Variants in ZBTB20 observed in about 807,000 individuals in gnomAD.
ZBTB20 encodes the protein zinc finger and BTB domain containing 20.
In ZBTB20, 9 loss-of-function variants were observed where a neutral mutation model predicts 56.9. That is an observed-to-expected ratio of 0.16 (90% CI 0.10 to 0.28). ZBTB20 has a LOEUF of 0.28. ZBTB20 is among the 10% of genes least tolerant of loss of function. ZBTB20 has a pLI of 1.00. For missense variants in ZBTB20, 655 were observed against 1,003.0 expected (o/e 0.65, Z 4.69); for synonymous variants, 417 against 420.7 (o/e 0.99, Z 0.11).
chr3:115,137,454 A>C (rs371365572), intron 1 of ZBTB20, among the ~76,000 whole-genome samples: 2 of 152,082 alleles, frequency 1.3e-5, no homozygotes, highest in African/African-American at 4.8e-5. Flanking sequence ...AATATAATCC[A>C]AAGTCATGTA....
At chr3:114,692,632 A>G (rs2062765952) in intron 6 of ZBTB20, among the ~76,000 whole-genome samples, 1 of 152,090 alleles carries the variant, frequency 6.6e-6, no homozygotes, top group African/African-American at 2.4e-5. Context: ...CTCCCTCTCC[A>G]GTACAGTTGC....
At chr3:114,470,247 A>G (rs929041133) in intron 7 of ZBTB20, among the ~76,000 whole-genome samples, 4 of 152,162 alleles carry the variant, frequency 2.6e-5, no homozygotes, top group African/African-American at 9.6e-5. Flanking sequence ...TTATACTACT[A>G]AAGTACATTA....
rs2078838054 is a variant in ZBTB20 at position 114,320,028 on chromosome 3, CAA to C, written c.*18975_*18976del. The C allele has an allele frequency of 6.6e-6, 1 of 152,188 alleles. No individual in the cohort carries two copies. The highest frequency in any genetic ancestry group is 1.5e-5 in the Non-Finnish European group (1 of 68,034). 9.4% of individuals were successfully genotyped at this position (152,188 alleles called of 1,614,324 possible). A position where few individuals can be genotyped will look rare whatever the true frequency, so the allele number is the denominator to read the frequency against. Reference sequence around the variant, plus strand: ...GTTTGGGCATTAATTGCAATAATGACAAGATCTCTGCTCTCAGAGGAATGCTC... The same window carrying C: ...GTTTGGGCATTAATTGCAATAATGACGATCTCTGCTCTCAGAGGAATGCTC... On this transcript the variant is annotated 3_prime_UTR_variant, in exon 12 of 12. Transcript: ENST00000675478.
At position 114,483,783 on chromosome 3, in the gene ZBTB20, CTT is replaced by C. The variant is rs1421581278; in HGVS notation, c.-255+16567_-255+16568del. The stretch of plus-strand genomic sequence containing the variant: ...TTTAAGAGAATTTTAAGTTGATTAA[CTT>C]TTTATTTGGGGGAATTATGATGTGA... On this transcript the variant is annotated intron_variant, in intron 7 of 11. Transcript: ENST00000675478. 3.3e-5 allele frequency among the ~76,000 whole-genome samples: 5 copies of C among 152,166 alleles called. No homozygotes were observed. In the East Asian group the frequency reaches 9.7e-4, roughly 29 times the overall value.
At chr3:114,401,083 G>GACACACACACACACAC (rs201829025) in intron 7 of ZBTB20, among the ~76,000 whole-genome samples, 10,283 of 132,912 alleles carry the variant, frequency 0.077, 922 homozygotes, top group African/African-American at 0.18. Context: ...CTACCTCCCA[G>GACACACACACACACAC]ACACACACAC....
At chr3:115,139,626 T>G (rs188804968) in intron 1 of ZBTB20, among the ~76,000 whole-genome samples, 6 of 152,066 alleles carry the variant, frequency 3.9e-5, no homozygotes, top group Non-Finnish European at 2.9e-5. Context: ...TGTATACCTA[T>G]GTTTTGCTTA....
chr3:114,567,710 C>T (rs548430324), intron 6 of ZBTB20, among the ~76,000 whole-genome samples: 1 of 152,296 alleles, frequency 6.6e-6, no homozygotes, highest in Admixed American at 6.5e-5. Flanking sequence ...GCCTCCCTCT[C>T]TCTAGTTTCT....
At chr3:114,598,474 T>C (rs1019272302) in intron 6 of ZBTB20, among the ~76,000 whole-genome samples, 2 of 152,000 alleles carry the variant, frequency 1.3e-5, no homozygotes, top group East Asian at 3.9e-4. Flanking sequence ...ATCCCTCTTG[T>C]ATAAAGAAAA....
chr3:114,923,851 C>G (rs2076051974), intron 3 of ZBTB20, among the ~76,000 whole-genome samples: 1 of 151,832 alleles, frequency 6.6e-6, no homozygotes, highest in Non-Finnish European at 1.5e-5. Flanking sequence ...ATGTAGAACT[C>G]ACACAACTCA....
At chr3:115,040,932 T>C (rs1427752072) in intron 2 of ZBTB20, among the ~76,000 whole-genome samples, 1 of 152,146 alleles carries the variant, frequency 6.6e-6, no homozygotes, top group Non-Finnish European at 1.5e-5. Flanking sequence ...TCTGAGCCTG[T>C]ATTTTTGACT....
chr3:114,525,022 T>G (rs2047059660), intron 6 of ZBTB20, among the ~76,000 whole-genome samples: 1 of 152,180 alleles, frequency 6.6e-6, no homozygotes, highest in African/African-American at 2.4e-5. Context: ...CCTCCAATTT[T>G]GAATACTCTC....
At chr3:114,364,935 C>T (rs1238060526) in intron 10 of ZBTB20, among the ~76,000 whole-genome samples, 5 of 152,150 alleles carry the variant, frequency 3.3e-5, no homozygotes, top group African/African-American at 9.7e-5. Context: ...TCTCTAGGCT[C>T]GGTGGCTAAA....
In ZBTB20 at chr3:114,510,473, A is replaced by C. The variant is rs532169584; in HGVS notation, c.-294-10082T>G. Among the ~76,000 whole-genome samples the C allele has an allele frequency of 2.1e-3, 312 of 151,284 alleles. 1 individual carries two copies. The highest frequency in any genetic ancestry group is 3.5e-3 in the Non-Finnish European group (240 of 67,872). On this transcript the variant is annotated intron_variant, in intron 6 of 11. Transcript: ENST00000675478. ...GGAAGTGACCCACCCACAACGCCACAGAGCTAATTAACCCCACACTGAGCT... is the reference window on the plus strand; with the variant it reads ...GGAAGTGACCCACCCACAACGCCACCGAGCTAATTAACCCCACACTGAGCT...
chr3:114,520,989 G>A (rs1341883082), intron 6 of ZBTB20, among the ~76,000 whole-genome samples: 1 of 152,022 alleles, frequency 6.6e-6, no homozygotes, highest in East Asian at 1.9e-4. Flanking sequence ...AATAACCAAA[G>A]GAGGCCTTTT....
At chr3:114,635,165 T>G (rs1438104730) in intron 6 of ZBTB20, among the ~76,000 whole-genome samples, 2 of 152,186 alleles carry the variant, frequency 1.3e-5, no homozygotes, top group African/African-American at 4.8e-5. Context: ...GGCATCCCTT[T>G]GCAGCTGGCA....
At chr3:114,472,467 T>C (rs1339248411) in intron 7 of ZBTB20, among the ~76,000 whole-genome samples, 2 of 152,184 alleles carry the variant, frequency 1.3e-5, no homozygotes, top group African/African-American at 4.8e-5. Context: ...CTCAGCACTT[T>C]GGGAGGCCAA....
rs148345332 is a variant in ZBTB20 at position 115,048,555 on chromosome 3, C to T, written c.-507+22664G>A. On this transcript the variant is annotated intron_variant, in intron 2 of 11. Transcript: ENST00000675478. ...TGTCATTTCAGGTAAGATAAATAAT[C>T]TTGACTAAATTAAAACAAATGTTGA... is the stretch of plus-strand genomic sequence containing the variant. Among the ~76,000 whole-genome samples, 758 of 152,122 alleles carry T rather than the reference C, an allele frequency of 5.0e-3. 4 individuals carry two copies. Among genetic ancestry groups the T allele is most frequent in the Middle Eastern group, 0.01 (3 of 292 alleles).
intron 6 of ZBTB20, among the ~76,000 whole-genome samples, chr3:114,566,247 ACT>A (rs2052732102): frequency 6.6e-6 from 1 of 151,382 alleles, no homozygotes; most frequent in Non-Finnish European, 1.5e-5. Context: ...GAAGCTTGAA[ACT>A]CTTTCTAACC....
At chr3:115,101,941 T>G (rs923104072) in intron 1 of ZBTB20, among the ~76,000 whole-genome samples, 2 of 152,234 alleles carry the variant, frequency 1.3e-5, no homozygotes, top group Non-Finnish European at 2.9e-5. Context: ...ATATAACTTA[T>G]AGATCAACCG....
Sources: allele counts gnomAD v4.1 joint callset (sites outside exome capture counted in the v4.1 genomes callset), GRCh38; gene constraint gnomAD v4.1.1; transcripts MANE v1.5; gene names NCBI Gene and HGNC (gene_info 2026-07-23, HGNC 2026-07-21).